SPATA16: variants seen among roughly 807,000 people sequenced by gnomAD.
SPATA16 encodes spermatogenesis associated 16, also known as spermatogenesis-associated protein 16.
SPATA16 carries 36 observed loss-of-function variants against 63.3 expected under a neutral mutation model. The ratio of observed to expected loss-of-function variants is 0.57; its 90% confidence interval spans 0.44 to 0.75. The LOEUF (loss-of-function observed/expected upper bound fraction) is 0.75. Among genes scored for constraint, SPATA16 ranks in the 30% least tolerant of loss-of-function variants. The pLI is 0.00. For synonymous variants in SPATA16, 203 were observed against 216.7 expected (o/e 0.94, Z 0.56); for missense variants, 646 against 679.3 (o/e 0.95, Z 0.54).
intron 4 of SPATA16, 36 bp downstream of exon 4, chr3:173,019,448 CTT>C: frequency 6.5e-7 from 1 of 1,530,900 alleles, no homozygotes; most frequent in African/African-American, 1.4e-5. Context: ...ATTAATTTGA[CTT>C]GATATAAATC....
intron 2 of SPATA16, among the ~76,000 whole-genome samples, chr3:173,076,416 C>G (rs1446749670): frequency 2.0e-5 from 3 of 151,878 alleles, no homozygotes; most frequent in Middle Eastern, 3.4e-3. Context: ...TTTAAATCAG[C>G]ACACAAATGT....
intron 4 of SPATA16, among the ~76,000 whole-genome samples, chr3:172,993,911 C>G (rs1734639539): frequency 6.6e-6 from 1 of 152,044 alleles, no homozygotes; most frequent in Non-Finnish European, 1.5e-5. Context: ...GGGATATAAG[C>G]TAGAATATTA....
chr3:173,110,632 A>C (rs936793064), intron 2 of SPATA16, among the ~76,000 whole-genome samples: 1 of 151,904 alleles, frequency 6.6e-6, no homozygotes, highest in Non-Finnish European at 1.5e-5. Flanking sequence ...TTGATGTTCT[A>C]TGTGAAAGCA....
chr3:172,993,638 A>G (rs1346180135), intron 4 of SPATA16, among the ~76,000 whole-genome samples: 1 of 152,190 alleles, frequency 6.6e-6, no homozygotes, highest in Non-Finnish European at 1.5e-5. Flanking sequence ...ATTACAATAA[A>G]TATTAAATGT....
chr3:172,983,225 T>C (rs1392823493), intron 4 of SPATA16, among the ~76,000 whole-genome samples: 1 of 152,206 alleles, frequency 6.6e-6, no homozygotes, highest in Non-Finnish European at 1.5e-5. Flanking sequence ...CACCGTATTC[T>C]CTGAATAGAA....
chr3:173,137,260 C>G (rs762505718), intron 1 of SPATA16, among the ~76,000 whole-genome samples: 35 of 152,130 alleles, frequency 2.3e-4, no homozygotes, highest in Admixed American at 1.3e-3. Flanking sequence ...AATGGCACCT[C>G]CCGCCCATTA....
chr3:172,978,157 C>CTATATA (rs1350780637), intron 4 of SPATA16, among the ~76,000 whole-genome samples: 9 of 148,652 alleles, frequency 6.1e-5, no homozygotes, highest in African/African-American at 2.3e-4. Flanking sequence ...CTCTCTCTCT[C>CTATATA]TCTCTATATA....
intron 5 of SPATA16, among the ~76,000 whole-genome samples, chr3:172,974,753 A>T (rs1385292657): frequency 6.6e-6 from 1 of 152,100 alleles, no homozygotes; most frequent in Non-Finnish European, 1.5e-5. Flanking sequence ...TTTGGGTAAG[A>T]TTTTAGTGCT....
chr3:172,934,384 A>C (rs114681105), intron 6 of SPATA16, among the ~76,000 whole-genome samples: 2,911 of 152,270 alleles, frequency 0.019, 29 homozygotes, highest in Middle Eastern at 0.058. Flanking sequence ...ATCAAAAGAA[A>C]AATTAAGAGA....
At chr3:173,111,394 A>C (rs769652674) in intron 2 of SPATA16, among the ~76,000 whole-genome samples, 44 of 152,170 alleles carry the variant, frequency 2.9e-4, no homozygotes, top group Non-Finnish European at 5.4e-4. Context: ...TGGGTGACAG[A>C]GCCAGACTCC....
Position 172,976,986 on chromosome 3 carries a change from G to A in SPATA16, c.915C>T (p.Leu305=). 6.2e-7 allele frequency: 1 copy of A among 1,612,114 alleles called. No individual in the cohort carries two copies. The highest frequency in any genetic ancestry group is 8.5e-7 in the Non-Finnish European group (1 of 1,179,340). Residue 305 remains leucine, a synonymous_variant, in exon 5 of 11, where the codon CTC becomes CTT. Coordinates refer to ENST00000351008, the MANE Select transcript of SPATA16 (RefSeq NM_031955.6). ...TTTTTACCTGCCAATACAGTTTGAT[G>A]AGCTTGCTTATGCTCTCTTCCCTTC... The part of the protein sequence containing the change: ...GGGREESISK[L]IKLYWQAMIE...
chr3:173,029,948 T>A (rs1735561895), intron 3 of SPATA16, among the ~76,000 whole-genome samples: 1 of 152,064 alleles, frequency 6.6e-6, no homozygotes, highest in Non-Finnish European at 1.5e-5. Context: ...GACCTATTTG[T>A]TACATTCATG....
intron 2 of SPATA16, among the ~76,000 whole-genome samples, chr3:173,096,880 A>C (rs1267831426): frequency 6.6e-6 from 1 of 152,154 alleles, no homozygotes; most frequent in African/African-American, 2.4e-5. Context: ...ACAATCATAA[A>C]AAGGAAGAAA....
intron 6 of SPATA16, among the ~76,000 whole-genome samples, chr3:172,937,784 A>C (rs1733043547): frequency 6.6e-6 from 1 of 152,244 alleles, no homozygotes. Context: ...CTTAAAAAAA[A>C]GTAACTGTTT....
intron 6 of SPATA16, among the ~76,000 whole-genome samples, chr3:172,928,605 TGATA>T (rs1227776480): frequency 1.3e-5 from 2 of 152,328 alleles, no homozygotes; most frequent in South Asian, 2.1e-4. Context: ...CTTAAATATT[TGATA>T]GATAGATAGG....
chr3:172,916,983 C>T (rs574310222), intron 8 of SPATA16, among the ~76,000 whole-genome samples: 1 of 152,330 alleles, frequency 6.6e-6, no homozygotes, highest in Non-Finnish European at 1.5e-5. Flanking sequence ...CTAAGCTCTG[C>T]TTTTATTTCC....
intron 2 of SPATA16, among the ~76,000 whole-genome samples, chr3:173,089,854 C>A (rs1189726131): frequency 1.3e-5 from 2 of 152,138 alleles, no homozygotes; most frequent in African/African-American, 4.8e-5. Context: ...GAAGACAGGG[C>A]CTAAGCCGTG....
chr3:173,130,090 C>G (rs546973096), intron 1 of SPATA16, among the ~76,000 whole-genome samples: 1 of 152,138 alleles, frequency 6.6e-6, no homozygotes, highest in Admixed American at 6.5e-5. Flanking sequence ...CGCCCGGGCG[C>G]GGTGGCTCAA....
At chr3:173,110,410 A>G (rs1737719783) in intron 2 of SPATA16, among the ~76,000 whole-genome samples, 2 of 152,222 alleles carry the variant, frequency 1.3e-5, no homozygotes, top group African/African-American at 4.8e-5. Flanking sequence ...TTTTAAATAT[A>G]ATTAAAAGAA....
Sources: gnomAD v4.1 joint callset for allele counts (sites outside exome capture counted in the v4.1 genomes callset) on GRCh38, gnomAD v4.1.1 for gene constraint, MANE v1.5 for transcripts, NCBI Gene and HGNC (gene_info 2026-07-23, HGNC 2026-07-21) for gene names.